The following LOXL1 variants were observed in gnomAD, a reference collection of about 807,000 sequenced individuals.
The protein encoded by LOXL1 is lysyl oxidase homolog 1.
LOXL1 carries 31 observed loss-of-function variants against 62.2 expected under a neutral mutation model. The ratio of observed to expected loss-of-function variants is 0.50; its 90% CI spans 0.37 to 0.67. The LOEUF is 0.67. Ranked by LOEUF, LOXL1 falls within the 30% of genes least tolerant of loss-of-function variation. The probability of loss-of-function intolerance (pLI) is 0.00; values close to 1 mark genes in which losing one functional copy is unlikely to be tolerated. For missense variants in LOXL1, 775 were observed against 843.4 expected (o/e 0.92, Z 1.00); for synonymous variants, 403 against 384.4 (o/e 1.05, Z -0.56).
intron 1 of LOXL1, among the ~76,000 whole-genome samples, chr15:73,929,734 A>T (rs2068622674): frequency 6.6e-6 from 1 of 152,204 alleles, no homozygotes; most frequent in Admixed American, 6.5e-5. Flanking sequence ...GGAGAATAGG[A>T]TGTTTTACCT....
chr15:73,951,556 G>A (rs12441138), intron 6 of LOXL1, among the ~76,000 whole-genome samples: 8,599 of 152,178 alleles, frequency 0.057, 401 homozygotes, highest in East Asian at 0.19. Context: ...AGTATTTCCA[G>A]ACAGTAGCAG....
intron 1 of LOXL1, among the ~76,000 whole-genome samples, chr15:73,937,236 A>T (rs976294555): frequency 5.3e-5 from 8 of 152,230 alleles, no homozygotes; most frequent in African/African-American, 1.9e-4. Context: ...CCCAAGAGTC[A>T]GTGTGACAGG....
At chr15:73,929,958 AT>A (rs2068624367) in intron 1 of LOXL1, among the ~76,000 whole-genome samples, 1 of 152,152 alleles carries the variant, frequency 6.6e-6, no homozygotes, top group South Asian at 2.1e-4. Flanking sequence ...AAGCCAGTTG[AT>A]TGAGAGGGGA....
intron 1 of LOXL1, among the ~76,000 whole-genome samples, chr15:73,939,195 A>C (rs2068696769): frequency 6.6e-6 from 1 of 152,182 alleles, no homozygotes; most frequent in African/African-American, 2.4e-5. Context: ...CCAAGAGCCC[A>C]AGCCTGCAGG....
intron 1 of LOXL1, among the ~76,000 whole-genome samples, chr15:73,941,409 C>T (rs556594746): frequency 6.6e-6 from 1 of 152,316 alleles, no homozygotes; most frequent in Admixed American, 6.5e-5. Context: ...GGGGGATATG[C>T]TGGCAGACAC....
At chr15:73,951,743 C>T (rs1422660283) in intron 6 of LOXL1, 88 bp from the exon 7 acceptor site, 2 of 1,240,060 alleles carry the variant, frequency 1.6e-6, no homozygotes, top group African/African-American at 3.1e-5. Flanking sequence ...CACGAGGGAT[C>T]TGGGCTGTGG....
chr15:73,935,817 T>C (rs540390133), intron 1 of LOXL1, among the ~76,000 whole-genome samples: 1 of 152,086 alleles, frequency 6.6e-6, no homozygotes, highest in East Asian at 1.9e-4. Context: ...CTCTCCCCAT[T>C]GGTGGGGTGG....
At chr15:73,931,280 A>ATC (rs3056314) in intron 1 of LOXL1, among the ~76,000 whole-genome samples, 44,374 of 151,594 alleles carry the variant, frequency 0.29, 6,975 homozygotes, top group East Asian at 0.55. Flanking sequence ...CCCTGACTTC[A>ATC]CATGGCCAAT....
chr15:73,946,930 A>G (rs1179700965), intron 3 of LOXL1, 137 bp from the exon 4 acceptor site: 3 of 955,670 alleles, frequency 3.1e-6, no homozygotes, highest in Non-Finnish European at 4.6e-6. Context: ...CGCAGTACTC[A>G]GGAGACAGGA....
At position 73,932,359 on chromosome 15, in the gene LOXL1, ACT is replaced by A. The variant is rs1479923505; in HGVS notation, c.1102+4479_1102+4480del. On this transcript the variant is annotated intron_variant, in intron 1 of 6. Transcript: ENST00000261921. ...TGGAACCAGGATTTGAGTCTGTGTGACTCTCTATCCTGAGTTCTTAACAACCA... is the reference window on the plus strand; with the variant it reads ...TGGAACCAGGATTTGAGTCTGTGTGACTCTATCCTGAGTTCTTAACAACCA... Among the ~76,000 whole-genome samples the A allele has an allele frequency of 5.9e-5, 9 of 151,956 alleles. 1 individual carries two copies. The highest frequency in any genetic ancestry group is 4.1e-4 in the South Asian group (2 of 4,824).
At chr15:73,950,365 T>C (rs1361538551) in intron 6 of LOXL1, among the ~76,000 whole-genome samples, 1 of 151,926 alleles carries the variant, frequency 6.6e-6, no homozygotes, top group Non-Finnish European at 1.5e-5. Context: ...GTGGTAGAGA[T>C]CTTAAGGCCC....
chr15:73,951,944 G>A lies in LOXL1; in HGVS notation c.*107G>A, dbSNP rs2068790968. ...GCCCCCAACCCACAGGCACGGAGGGGCATCCCTCCCTGCCGGCCTCAGGGA... is the reference window on the plus strand; with the variant it reads ...GCCCCCAACCCACAGGCACGGAGGGACATCCCTCCCTGCCGGCCTCAGGGA... On this transcript the variant is annotated 3_prime_UTR_variant, in exon 7 of 7. Coordinates refer to ENST00000261921, the MANE Select transcript of LOXL1 (RefSeq NM_005576.4). 1.0e-6 allele frequency: 1 copy of A among 1,002,596 alleles called. No homozygotes were observed. Among genetic ancestry groups the A allele is most frequent in the Non-Finnish European group, 1.3e-6 (1 of 749,290 alleles). The allele number at this position is 1,002,596 out of a possible 1,614,324, so 62.1% of individuals were successfully genotyped here.
chr15:73,928,023 A>C, intron 1 of LOXL1, 138 bp downstream of exon 1: 1 of 745,268 alleles, frequency 1.3e-6, no homozygotes. Flanking sequence ...CCCCCTCCCG[A>C]CTTCCCCCGA....
intron 5 of LOXL1, among the ~76,000 whole-genome samples, chr15:73,948,493 C>T (rs2068762905): frequency 6.6e-6 from 1 of 152,130 alleles, no homozygotes; most frequent in African/African-American, 2.4e-5. Context: ...CATGTCTCAG[C>T]CTCCTCCACA....
In LOXL1 at chr15:73,927,388, TC is replaced by T. The variant is rs2068591592; in HGVS notation, c.606del (p.Phe202LeufsTer225). On this transcript the variant is annotated frameshift_variant, in exon 1 of 7. Coordinates refer to ENST00000261921, the MANE Select transcript of LOXL1 (RefSeq NM_005576.4). LOFTEE classifies it high-confidence loss of function. The part of the protein sequence containing the change: ...DPASRTYDQG[F>X]VYYRPAGGGV... ...GCGTCGCGGACCTACGACCAGGGTT[TC>T]GTGTACTACCGGCCCGCGGGCGGCG... 6.3e-7 allele frequency: 1 copy of T among 1,582,600 alleles called. No homozygotes were observed. Among genetic ancestry groups the T allele is most frequent in the African/African-American group, 1.4e-5 (1 of 71,742 alleles).
intron 1 of LOXL1, among the ~76,000 whole-genome samples, chr15:73,928,660 A>G (rs2141620229): frequency 6.7e-6 from 1 of 148,430 alleles, no homozygotes; most frequent in East Asian, 1.9e-4. Context: ...TTTTAAATAG[A>G]GTCAGTAATA....
At position 73,942,899 on chromosome 15, in the gene LOXL1, C is replaced by G; in HGVS notation, c.1148C>G (p.Thr383Ser). The change falls in exon 2 of 7, where the codon ACT becomes AGT. Residue 383 changes from threonine to serine, a missense_variant. By Grantham distance (58) the Thr-to-Ser change is moderately conservative. Transcript: ENST00000261921. ...VPDPNYVQAS[T>S]YVQRAHLYSL... ...GACCCCAACTATGTGCAAGCATCCACTTATGTGCAGAGAGCCCACCTGTAC... is the reference window on the plus strand; with the variant it reads ...GACCCCAACTATGTGCAAGCATCCAGTTATGTGCAGAGAGCCCACCTGTAC... The G allele has an allele frequency of 6.2e-7, 1 of 1,614,138 alleles. No homozygotes were observed. The highest frequency in any genetic ancestry group is 1.1e-5 in the South Asian group (1 of 91,084).
At position 73,947,133 on chromosome 15, in the gene LOXL1, G is replaced by T. The variant is rs775991307; in HGVS notation, c.1416G>T (p.Val472=). The T allele has an allele frequency of 1.2e-6, 2 of 1,613,740 alleles. No homozygotes were observed. The highest frequency in any genetic ancestry group is 8.5e-7 in the Non-Finnish European group (1 of 1,179,754). The change falls in exon 4 of 7, where the codon GTG becomes GTT. Residue 472 remains valine (V), a synonymous_variant. Coordinates refer to ENST00000261921, the MANE Select transcript of LOXL1 (RefSeq NM_005576.4). The part of the protein sequence containing the change: ...DLLDAATGKK[V]AEGHKASFCL... The stretch of plus-strand genomic sequence containing the variant: ...TGGATGCAGCCACAGGCAAGAAGGT[G>T]GCCGAGGGCCACAAGGCCAGTTTCT...
At chr15:73,950,799 T>C (rs1288201480) in intron 6 of LOXL1, among the ~76,000 whole-genome samples, 1 of 152,238 alleles carries the variant, frequency 6.6e-6, no homozygotes, top group Non-Finnish European at 1.5e-5. Context: ...CACACTTGGT[T>C]GCTACCATCA....
Sources: allele counts gnomAD v4.1 joint callset (sites outside exome capture counted in the v4.1 genomes callset), GRCh38; gene constraint gnomAD v4.1.1; transcripts MANE v1.5; gene names NCBI Gene and HGNC (gene_info 2026-07-23, HGNC 2026-07-21).